Variants in NXPH1 observed in about 807,000 individuals in gnomAD.
NXPH1 encodes the protein neurexophilin-1.
NXPH1 carries 5 observed loss-of-function variants against 23.7 expected under a neutral mutation model. That is an observed-to-expected ratio of 0.21 (90% CI 0.11 to 0.44). The LOEUF is 0.44. Among genes scored for constraint, NXPH1 ranks in the 20% least tolerant of loss-of-function variants. NXPH1 has a pLI of 0.99. For missense variants in NXPH1, 324 were observed against 321.6 expected (o/e 1.01, Z -0.06); for synonymous variants, 144 against 122.2 (o/e 1.18, Z -1.18).
intron 2 of NXPH1, among the ~76,000 whole-genome samples, chr7:8,703,659 G>A (rs1175100555): frequency 2.6e-5 from 4 of 151,966 alleles, no homozygotes; most frequent in South Asian, 2.1e-4. Context: ...TAAATGGGTG[G>A]GATAGCTTTT....
intron 2 of NXPH1, among the ~76,000 whole-genome samples, chr7:8,710,862 C>T (rs1779782865): frequency 8.5e-6 from 1 of 117,604 alleles, no homozygotes; most frequent in Non-Finnish European, 1.6e-5. Context: ...CGGGGTTTCA[C>T]CGTGTTAGCC....
intron 2 of NXPH1, among the ~76,000 whole-genome samples, chr7:8,749,452 G>T (rs1401695018): frequency 1.3e-5 from 2 of 152,156 alleles, no homozygotes; most frequent in Non-Finnish European, 2.9e-5. Flanking sequence ...GTAACAAGTG[G>T]TTGAGTAAAA....
At chr7:8,738,267 A>C (rs1780296116) in intron 2 of NXPH1, among the ~76,000 whole-genome samples, 1 of 152,046 alleles carries the variant, frequency 6.6e-6, no homozygotes, top group Middle Eastern at 3.4e-3. Flanking sequence ...ATCTTTATCT[A>C]CCTTTGGTCT....
intron 2 of NXPH1, among the ~76,000 whole-genome samples, chr7:8,633,922 G>T (rs548605434): frequency 1.3e-5 from 2 of 152,082 alleles, no homozygotes; most frequent in Admixed American, 6.5e-5. Context: ...GTTATATGCT[G>T]GGCCAGTTTC....
chr7:8,729,035 CAG>C (rs1439750998), intron 2 of NXPH1, among the ~76,000 whole-genome samples: 1 of 151,902 alleles, frequency 6.6e-6, no homozygotes, highest in Admixed American at 6.6e-5. Flanking sequence ...TTGGTCTATT[CAG>C]AGATTCAACT....
chr7:8,665,772 A>G (rs1294754831), intron 2 of NXPH1, among the ~76,000 whole-genome samples: 2 of 107,918 alleles, frequency 1.9e-5, no homozygotes, highest in Non-Finnish European at 3.9e-5. Flanking sequence ...TTTGGTAGCT[A>G]TTATAAAAGG....
chr7:8,507,993 C>T (rs1817557810), intron 2 of NXPH1, among the ~76,000 whole-genome samples: 1 of 152,088 alleles, frequency 6.6e-6, no homozygotes, highest in Admixed American at 6.6e-5. Flanking sequence ...TGAAAAGAAT[C>T]TTTATGCTTT....
rs560843415 is a variant in NXPH1, at chr7:8,594,986, G to C, written c.55-156022G>C. Among the ~76,000 whole-genome samples, 23 of 152,092 alleles carry C rather than the reference G, an allele frequency of 1.5e-4. 1 individual carries two copies. In the South Asian group the frequency reaches 4.6e-3, roughly 30 times the overall value. ...ACCTAGGTAAGACTCAAAAGCTCTT[G>C]AACCTGACAAAGCTACCGAGGTTCA... On this transcript the variant is annotated intron_variant, in intron 2 of 2. Coordinates refer to ENST00000405863, the MANE Select transcript of NXPH1 (RefSeq NM_152745.3).
intron 2 of NXPH1, among the ~76,000 whole-genome samples, chr7:8,614,459 T>A (rs144846329): frequency 6.6e-6 from 1 of 152,076 alleles, no homozygotes; most frequent in East Asian, 1.9e-4. Context: ...TGTAGATATA[T>A]GTATATGTCT....
intron 2 of NXPH1, among the ~76,000 whole-genome samples, chr7:8,744,688 C>G (rs1780438797): frequency 1.3e-5 from 2 of 152,140 alleles, no homozygotes; most frequent in Non-Finnish European, 2.9e-5. Context: ...CTTAATCTCC[C>G]AATATTTCTA....
chr7:8,669,220 AT>A (rs1159462914), intron 2 of NXPH1, among the ~76,000 whole-genome samples: 1 of 152,162 alleles, frequency 6.6e-6, no homozygotes, highest in Non-Finnish European at 1.5e-5. Context: ...GCATGCGTCC[AT>A]GGGTGCCAGC....
intron 2 of NXPH1, among the ~76,000 whole-genome samples, chr7:8,543,204 A>T (rs1395354364): frequency 6.6e-6 from 1 of 151,496 alleles, no homozygotes; most frequent in Non-Finnish European, 1.5e-5. Context: ...ATTGCATCTC[A>T]TCCACTCCCA....
At chr7:8,565,054 A>C (rs1452561185) in intron 2 of NXPH1, among the ~76,000 whole-genome samples, 2 of 151,730 alleles carry the variant, frequency 1.3e-5, no homozygotes, top group Non-Finnish European at 2.9e-5. Flanking sequence ...TTTTGTTGAG[A>C]ACTCTTTCCT....
intron 2 of NXPH1, among the ~76,000 whole-genome samples, chr7:8,555,968 G>A (rs1818350535): frequency 6.6e-6 from 1 of 151,590 alleles, no homozygotes; most frequent in African/African-American, 2.4e-5. Context: ...AATTTGCACT[G>A]GGGTTAAATA....
intron 2 of NXPH1, among the ~76,000 whole-genome samples, chr7:8,662,197 T>C (rs60339873): frequency 0.7 from 105,680 of 150,084 alleles, 37,640 homozygotes; most frequent in East Asian, 1. Flanking sequence ...TATACACACA[T>C]ATATATATAC....
At chr7:8,725,743 T>C (rs1047375505) in intron 2 of NXPH1, among the ~76,000 whole-genome samples, 1 of 152,104 alleles carries the variant, frequency 6.6e-6, no homozygotes, top group Admixed American at 6.6e-5. Context: ...CTTCAGAGAG[T>C]TGGAGATTCC....
chr7:8,605,439 A>C (rs1819465079), intron 2 of NXPH1, among the ~76,000 whole-genome samples: 1 of 152,182 alleles, frequency 6.6e-6, no homozygotes, highest in Non-Finnish European at 1.5e-5. Context: ...ATGGATATTC[A>C]GGCTGAGTGC....
intron 2 of NXPH1, among the ~76,000 whole-genome samples, chr7:8,653,341 T>C (rs10226061): frequency 0.71 from 107,585 of 152,074 alleles, 38,797 homozygotes; most frequent in East Asian, 1. Context: ...TGGTGGAGTT[T>C]TGACAGCCAC....
intron 2 of NXPH1, among the ~76,000 whole-genome samples, chr7:8,505,849 G>A (rs1274509690): frequency 6.6e-6 from 1 of 152,064 alleles, no homozygotes; most frequent in Non-Finnish European, 1.5e-5. Flanking sequence ...TCTAAACTTT[G>A]TTGTGCATAA....
Sources: allele counts gnomAD v4.1 joint callset (sites outside exome capture counted in the v4.1 genomes callset), GRCh38; gene constraint gnomAD v4.1.1; transcripts MANE v1.5; gene names NCBI Gene and HGNC (gene_info 2026-07-23, HGNC 2026-07-21).